Variants in EXD3 observed in about 807,000 individuals in gnomAD.
EXD3 encodes exonuclease mut-7 homolog.
In EXD3, 92 loss-of-function variants were observed where a neutral mutation model predicts 98.0. The observed-to-expected ratio is 0.94, with a 90% CI of 0.79 to 1.12. The LOEUF (loss-of-function observed/expected upper bound fraction) is 1.12, where lower values mean the gene tolerates loss of function less well. EXD3 is among the 50% of genes most tolerant of loss of function. EXD3 has a pLI of 0.00. For missense variants in EXD3, 1,222 were observed against 1,191.6 expected (o/e 1.03, Z -0.38); for synonymous variants, 569 against 526.0 (o/e 1.08, Z -1.12).
intron 1 of EXD3, among the ~76,000 whole-genome samples, chr9:137,420,857 C>G (rs1838483389): frequency 6.6e-6 from 1 of 152,022 alleles, no homozygotes; most frequent in African/African-American, 2.4e-5. Flanking sequence ...CTCTGTCACC[C>G]AGGCTGGAGT....
intron 1 of EXD3, among the ~76,000 whole-genome samples, chr9:137,413,612 G>C (rs1302456700): frequency 1.5e-5 from 2 of 137,920 alleles, no homozygotes; most frequent in Admixed American, 7.7e-5. Context: ...AGTGATTCTT[G>C]TGCCTAAGTC....
intron 17 of EXD3, among the ~76,000 whole-genome samples, chr9:137,335,130 G>T (rs1228425244): frequency 6.6e-6 from 1 of 151,222 alleles, no homozygotes; most frequent in African/African-American, 2.4e-5. Context: ...CAGAATGGAA[G>T]AAAATATTTG....
intron 17 of EXD3, among the ~76,000 whole-genome samples, chr9:137,326,199 G>A (rs1262482466): frequency 2.0e-5 from 3 of 152,128 alleles, no homozygotes; most frequent in Admixed American, 1.3e-4. Context: ...ACACTGGAGC[G>A]ACTGGACCCT....
intron 5 of EXD3, among the ~76,000 whole-genome samples, chr9:137,370,378 CAGA>C (rs1260558046): frequency 6.6e-6 from 1 of 152,108 alleles, no homozygotes; most frequent in Admixed American, 6.5e-5. Context: ...GAGCAGACAG[CAGA>C]AGGTGAAGAG....
At chr9:137,318,407 T>C (rs1474960599) in intron 19 of EXD3, among the ~76,000 whole-genome samples, 1 of 152,070 alleles carries the variant, frequency 6.6e-6, no homozygotes, top group Non-Finnish European at 1.5e-5. Flanking sequence ...GGATGCCCAC[T>C]TCCAAGGGGC....
In EXD3 at chr9:137,349,073, G is replaced by T; in HGVS notation, c.1830+37C>A. On this transcript the variant is annotated intron_variant, in intron 16 of 21. Transcript: ENST00000340951. This position sits in a 1 kb window ranked among gnomAD's most constrained non-coding sequence, Gnocchi z 7.4. ...TATGGACAGGGATCTCCTTCCCCAA[G>T]AATGCTGACAAACGGACCCTGCGGG... 1.3e-6 allele frequency: 2 copies of T among 1,549,654 alleles called. No individual in the cohort carries two copies. Among genetic ancestry groups the T allele is most frequent in the Admixed American group, 1.9e-5 (1 of 53,400 alleles).
intron 12 of EXD3, 83 bp from the exon 13 acceptor site, chr9:137,351,611 T>G: frequency 2.2e-6 from 3 of 1,344,082 alleles, no homozygotes; most frequent in Non-Finnish European, 3.1e-6. Flanking sequence ...TGAGCAGCTC[T>G]GTGAGCTTGG....
chr9:137,327,427 C>A (rs1449254082), intron 17 of EXD3, among the ~76,000 whole-genome samples: 2 of 152,106 alleles, frequency 1.3e-5, no homozygotes, highest in Non-Finnish European at 1.5e-5. Flanking sequence ...GCCACCGCGC[C>A]CGGCCAGTAT....
Position 137,366,243 on chromosome 9 carries a change from T to C in EXD3, c.656+250A>G, listed in dbSNP as rs771305095. 5.7e-6 allele frequency: 4 copies of C among 704,550 alleles called. No homozygotes were observed. The Admixed American group carries it at 6.0e-5, about 11-fold the overall frequency. The allele number at this position is 704,550 out of a possible 1,614,324, so 43.6% of individuals were successfully genotyped here. The stretch of plus-strand genomic sequence containing the variant: ...GCATGAGAAGAGCCACCACGGAGAA[T>C]TATTTTCGTTCTTCTAAGAGCAGTT... On this transcript the variant is annotated intron_variant, in intron 7 of 21. Coordinates refer to ENST00000340951, the MANE Select transcript of EXD3 (RefSeq NM_017820.5).
intron 19 of EXD3, among the ~76,000 whole-genome samples, chr9:137,314,565 G>T (rs912847158): frequency 1.3e-5 from 2 of 152,036 alleles, no homozygotes; most frequent in Non-Finnish European, 2.9e-5. Context: ...GTGACTGAGG[G>T]TGGCAGCCCT....
intron 17 of EXD3, among the ~76,000 whole-genome samples, chr9:137,339,347 A>T (rs1321627376): frequency 6.6e-6 from 1 of 152,100 alleles, no homozygotes; most frequent in Non-Finnish European, 1.5e-5. Context: ...ACCCAGAAAG[A>T]TGGATGCAAA....
intron 5 of EXD3, among the ~76,000 whole-genome samples, chr9:137,370,669 G>A (rs1341982009): frequency 1.3e-5 from 2 of 150,856 alleles, no homozygotes; most frequent in African/African-American, 2.4e-5. Flanking sequence ...GGCATTCCCC[G>A]GCTCCCCTGG....
chr9:137,400,602 C>A (rs1236911529), intron 1 of EXD3, among the ~76,000 whole-genome samples: 2 of 151,976 alleles, frequency 1.3e-5, no homozygotes, highest in Non-Finnish European at 2.9e-5. Flanking sequence ...CCTGTCTCTA[C>A]TACAAATACA....
At chr9:137,401,388 C>T (rs542149020) in intron 1 of EXD3, among the ~76,000 whole-genome samples, 42 of 152,066 alleles carry the variant, frequency 2.8e-4, no homozygotes, top group Non-Finnish European at 5.9e-4. Flanking sequence ...ATCTCCTGAC[C>T]TTGTGATCTG....
intron 1 of EXD3, among the ~76,000 whole-genome samples, chr9:137,411,301 C>T (rs902533590): frequency 3.3e-5 from 5 of 152,188 alleles, no homozygotes; most frequent in Admixed American, 6.5e-5. Flanking sequence ...AGGAAACCAG[C>T]GAAGGCACAG....
intron 8 of EXD3, among the ~76,000 whole-genome samples, chr9:137,355,520 AGGAGGATGGAGGAAG>A: frequency 2.7e-5 from 1 of 37,704 alleles, no homozygotes; most frequent in Non-Finnish European, 4.9e-5. Context: ...GGAAGGAGGA[AGGAGGATGGAGGAAG>A]GAGGAAGGAG....
At chr9:137,320,248 G>T (rs949359158) in intron 19 of EXD3, among the ~76,000 whole-genome samples, 1 of 152,238 alleles carries the variant, frequency 6.6e-6, no homozygotes. Context: ...AGACAGAGGG[G>T]CTGGCACAGG....
At chr9:137,392,423 T>G (rs1564203112) in intron 2 of EXD3, 1 of 163,432 alleles carries the variant, frequency 6.1e-6, no homozygotes, top group Non-Finnish European at 1.3e-5. Flanking sequence ...CAGACGCGGA[T>G]GTCCTGCTCA....
In EXD3 at chr9:137,392,308, C is replaced by T. The variant is rs111595193; in HGVS notation, c.55+2995G>A. On this transcript the variant is annotated intron_variant, in intron 2 of 21. Coordinates refer to ENST00000340951, the MANE Select transcript of EXD3 (RefSeq NM_017820.5). ...AGCGCGGGAGGGCCTCTCTAGAACA[C>T]GCCAGAGGTGGCCATGTGGACTCTC... 7.9e-3 allele frequency: 1,219 copies of T among 154,708 alleles called. 17 individuals are homozygous for T. Among genetic ancestry groups the T allele is most frequent in the African/African-American group, 0.028 (1,165 of 41,576 alleles). 9.6% of individuals were successfully genotyped at this position (154,708 alleles called of 1,614,324 possible).
Sources: allele counts gnomAD v4.1 joint callset (sites outside exome capture counted in the v4.1 genomes callset), GRCh38; gene constraint gnomAD v4.1.1; non-coding constraint Gnocchi (gnomAD v3.1); transcripts MANE v1.5; gene names NCBI Gene and HGNC (gene_info 2026-07-23, HGNC 2026-07-21).